The following EYA2 variants were observed in gnomAD, a reference collection of about 807,000 sequenced individuals.
The protein encoded by EYA2 is EYA transcriptional coactivator and phosphatase 2, also known as protein phosphatase EYA2.
Under a neutral mutation model 69.2 loss-of-function variants are expected in EYA2, and 31 were observed. The observed-to-expected ratio is 0.45, with a 90% CI of 0.34 to 0.60. The LOEUF is 0.60. Among genes scored for constraint, EYA2 ranks in the 20% least tolerant of loss-of-function variants. EYA2 has a pLI of 0.02. For synonymous variants in EYA2, 257 were observed against 279.4 expected (o/e 0.92, Z 0.80); for missense variants, 622 against 701.2 (o/e 0.89, Z 1.28).
chr20:46,949,351 A>C (rs1470674795), intron 1 of EYA2, among the ~76,000 whole-genome samples: 1 of 152,252 alleles, frequency 6.6e-6, no homozygotes, highest in East Asian at 1.9e-4. Flanking sequence ...ACACTTTAAC[A>C]GCTGTCCTGC....
intron 5 of EYA2, among the ~76,000 whole-genome samples, chr20:47,056,811 G>A (rs570012339): frequency 6.6e-6 from 1 of 152,108 alleles, no homozygotes; most frequent in East Asian, 1.9e-4. Context: ...TTGGGAGGCC[G>A]AGGCGGGCAG....
chr20:46,989,601 T>C (rs2146327385), intron 1 of EYA2, among the ~76,000 whole-genome samples: 1 of 152,298 alleles, frequency 6.6e-6, no homozygotes, highest in Non-Finnish European at 1.5e-5. Flanking sequence ...AACTCCACGT[T>C]CTCCCCAAGC....
intron 1 of EYA2, among the ~76,000 whole-genome samples, chr20:46,922,488 C>A (rs1193985028): frequency 6.6e-6 from 1 of 152,142 alleles, no homozygotes; most frequent in African/African-American, 2.4e-5. Flanking sequence ...TGAAATGTAA[C>A]AACAGCAGGC....
intron 1 of EYA2, among the ~76,000 whole-genome samples, chr20:46,966,744 A>G (rs1023638258): frequency 6.6e-6 from 1 of 151,768 alleles, no homozygotes; most frequent in African/African-American, 2.4e-5. Flanking sequence ...TGGGAGGCGG[A>G]CCTTGCAGTG....
At position 47,034,584 on chromosome 20, in the gene EYA2, A is replaced by C. The variant is rs190983227; in HGVS notation, c.415+18287A>C. On this transcript the variant is annotated intron_variant, in intron 5 of 15. Transcript: ENST00000327619. ...GGAGGGATCCCCAACTTTGCAATTC[A>C]GAGGCCAGGCTATCCTTGTGCCCGA... Among the ~76,000 whole-genome samples the C allele has an allele frequency of 3.9e-5, 6 of 152,326 alleles. No individual in the cohort carries two copies. In the East Asian group the frequency reaches 1.2e-3, roughly 29 times the overall value.
intron 13 of EYA2, among the ~76,000 whole-genome samples, 184 bp from the exon 14 acceptor site, chr20:47,180,631 C>T (rs1214888721): frequency 3.3e-5 from 5 of 152,192 alleles, no homozygotes; most frequent in Non-Finnish European, 7.3e-5. Context: ...TTCACTATGT[C>T]AGGCAGCTTC....
intron 1 of EYA2, among the ~76,000 whole-genome samples, chr20:46,898,394 A>AACACGCACACAC (rs1983918395): frequency 6.8e-6 from 1 of 146,468 alleles, no homozygotes; most frequent in African/African-American, 2.5e-5. Flanking sequence ...GTTGACAGAA[A>AACACGCACACAC]ACACACACAC....
intron 5 of EYA2, among the ~76,000 whole-genome samples, chr20:47,025,113 C>T (rs1984001837): frequency 6.6e-6 from 1 of 152,216 alleles, no homozygotes; most frequent in African/African-American, 2.4e-5. Context: ...TCTTCATCAC[C>T]TCCATCAAGA....
chr20:46,952,266 G>A (rs1978849361), intron 1 of EYA2, among the ~76,000 whole-genome samples: 2 of 152,050 alleles, frequency 1.3e-5, no homozygotes, highest in South Asian at 2.1e-4. Flanking sequence ...GTGGGGGATG[G>A]GGCTTGAGGG....
intron 3 of EYA2, among the ~76,000 whole-genome samples, chr20:47,001,787 C>CTTTTT (rs61340904): frequency 6.8e-6 from 1 of 147,440 alleles, no homozygotes; most frequent in African/African-American, 2.5e-5. Context: ...TCTCTTCATT[C>CTTTTT]TTTTTTTTTT....
intron 7 of EYA2, among the ~76,000 whole-genome samples, chr20:47,085,653 AAAAGAAAG>A (rs35829230): frequency 1.3e-5 from 2 of 151,918 alleles, no homozygotes; most frequent in African/African-American, 4.9e-5. Flanking sequence ...TCAAAAAAAA[AAAAGAAAG>A]AAAGAAATGA....
At chr20:47,066,312 A>G (rs1471541113) in intron 5 of EYA2, among the ~76,000 whole-genome samples, 3 of 152,132 alleles carry the variant, frequency 2.0e-5, no homozygotes, top group Non-Finnish European at 4.4e-5. Context: ...AGCCTGGGCA[A>G]CAGAGTGAGA....
intron 5 of EYA2, among the ~76,000 whole-genome samples, chr20:47,059,289 T>G (rs1379273057): frequency 6.6e-6 from 1 of 152,210 alleles, no homozygotes; most frequent in Non-Finnish European, 1.5e-5. Context: ...AATCTCAGAC[T>G]ACAGGCTCGA....
At chr20:47,185,901 T>C (rs1041134572) in intron 15 of EYA2, among the ~76,000 whole-genome samples, 1 of 152,212 alleles carries the variant, frequency 6.6e-6, no homozygotes, top group African/African-American at 2.4e-5. Flanking sequence ...GAATATTTCT[T>C]GAGCACCTAC....
intron 9 of EYA2, among the ~76,000 whole-genome samples, chr20:47,131,075 G>A (rs1441162863): frequency 6.6e-6 from 1 of 152,032 alleles, no homozygotes; most frequent in African/African-American, 2.4e-5. Flanking sequence ...GGCTACAAGA[G>A]CGAAACTCCA....
At chr20:47,107,767 AAG>A (rs144912974) in intron 9 of EYA2, among the ~76,000 whole-genome samples, 23,847 of 150,972 alleles carry the variant, frequency 0.16, 2,274 homozygotes, top group Non-Finnish European at 0.21. Context: ...AAGGAGAAGA[AAG>A]AAGAAGTAGG....
chr20:47,045,598 A>G (rs965077630), intron 5 of EYA2, among the ~76,000 whole-genome samples: 3 of 152,142 alleles, frequency 2.0e-5, no homozygotes, highest in Admixed American at 2.0e-4. Flanking sequence ...GCTTCCATGG[A>G]TTTGTTACCT....
At chr20:47,174,953 C>T (rs968993722) in intron 12 of EYA2, among the ~76,000 whole-genome samples, 2 of 152,196 alleles carry the variant, frequency 1.3e-5, no homozygotes, top group Admixed American at 1.3e-4. Context: ...CCTTTGTACC[C>T]AGCCCTGCAC....
chr20:46,975,841 G>T (rs995863594), intron 1 of EYA2, among the ~76,000 whole-genome samples: 1 of 152,220 alleles, frequency 6.6e-6, no homozygotes, highest in Non-Finnish European at 1.5e-5. Context: ...CTTGAACCCA[G>T]GAGGAAGTAG....
Sources: allele counts gnomAD v4.1 joint callset (sites outside exome capture counted in the v4.1 genomes callset), GRCh38; gene constraint gnomAD v4.1.1; transcripts MANE v1.5; gene names NCBI Gene and HGNC (gene_info 2026-07-23, HGNC 2026-07-21).